The following CREB5 variants were observed in gnomAD, a reference collection of about 807,000 sequenced individuals.
CREB5 encodes cAMP responsive element binding protein 5, also known as cyclic AMP-responsive element-binding protein 5.
In CREB5, 19 loss-of-function variants were observed where a neutral mutation model predicts 57.1. That is an observed-to-expected ratio of 0.33 (90% CI 0.23 to 0.49). CREB5 has a LOEUF of 0.49. CREB5 is among the 20% of genes least tolerant of loss of function. CREB5 has a pLI of 0.99. For missense variants in CREB5, 579 were observed against 671.6 expected (o/e 0.86, Z 1.52); for synonymous variants, 238 against 238.3 (o/e 1.00, Z 0.01).
chr7:28,786,746 T>C (rs1218311049), intron 7 of CREB5, among the ~76,000 whole-genome samples: 2 of 152,072 alleles, frequency 1.3e-5, no homozygotes, highest in South Asian at 2.1e-4. Flanking sequence ...TGTTTGAAAA[T>C]TGAAGTATTA....
At chr7:28,695,218 CAGGA>C in intron 5 of CREB5, among the ~76,000 whole-genome samples, 1 of 152,036 alleles carries the variant, frequency 6.6e-6, no homozygotes, top group East Asian at 1.9e-4. Flanking sequence ...CAGAGCTAGA[CAGGA>C]GGGAGGGAGG....
intron 4 of CREB5, among the ~76,000 whole-genome samples, chr7:28,531,282 A>G (rs61269471): frequency 0.022 from 3,347 of 152,228 alleles, 96 homozygotes; most frequent in African/African-American, 0.075. Flanking sequence ...GGATGCTTGA[A>G]GTCCGAGATC....
At chr7:28,675,016 G>A (rs1800247821) in intron 5 of CREB5, among the ~76,000 whole-genome samples, 1 of 151,986 alleles carries the variant, frequency 6.6e-6, no homozygotes, top group African/African-American at 2.4e-5. Flanking sequence ...CTGCCTTAGG[G>A]CATTTATCTA....
At chr7:28,740,217 C>T (rs1388788788) in intron 7 of CREB5, among the ~76,000 whole-genome samples, 6 of 152,048 alleles carry the variant, frequency 3.9e-5, no homozygotes, top group Non-Finnish European at 7.4e-5. Flanking sequence ...TTAGGCAGAT[C>T]GAATGAAATT....
intron 5 of CREB5, among the ~76,000 whole-genome samples, chr7:28,704,103 C>T (rs1801992158): frequency 6.6e-6 from 1 of 152,226 alleles, no homozygotes; most frequent in Admixed American, 6.5e-5. Context: ...GGCTCCAACA[C>T]TGAAAAGACA....
At chr7:28,457,521 T>G (rs1028290557) in intron 1 of CREB5, among the ~76,000 whole-genome samples, 4 of 152,188 alleles carry the variant, frequency 2.6e-5, no homozygotes, top group African/African-American at 9.6e-5. Flanking sequence ...AAAAAAATTT[T>G]TTTTGAGAAG....
chr7:28,687,909 G>C (rs999320345), intron 5 of CREB5, among the ~76,000 whole-genome samples: 5 of 152,100 alleles, frequency 3.3e-5, no homozygotes, highest in African/African-American at 1.2e-4. Flanking sequence ...CTAAAGAGCA[G>C]GAAAGGGCAA....
Position 28,412,827 on chromosome 7 carries a change from GA to G in CREB5, c.-85del. ...TTATTTTCTTCCTAATCTTGCTGGT[GA>G]AACAGAAGTTACTAGAAAGAAAGGA... On this transcript the variant is annotated 5_prime_UTR_variant, in exon 1 of 11. Coordinates refer to ENST00000357727, the MANE Select transcript of CREB5 (RefSeq NM_182898.4). The G allele has an allele frequency of 8.1e-7, 1 of 1,240,434 alleles. No homozygotes were observed. Among genetic ancestry groups the G allele is most frequent in the Non-Finnish European group, 1.1e-6 (1 of 915,048 alleles). 76.8% of individuals were successfully genotyped at this position (1,240,434 alleles called of 1,614,324 possible).
chr7:28,611,569 G>A (rs2128677487), intron 5 of CREB5, among the ~76,000 whole-genome samples: 1 of 150,156 alleles, frequency 6.7e-6, no homozygotes, highest in Non-Finnish European at 1.5e-5. Context: ...CAGCTGCTCA[G>A]GAAGCTGAGG....
chr7:28,353,679 T>C (rs1786281733), intron 1 of CREB5, among the ~76,000 whole-genome samples: 2 of 151,688 alleles, frequency 1.3e-5, no homozygotes. Context: ...CCGTCTCTAC[T>C]AAAAATACAA....
chr7:28,731,169 T>C (rs955271979), intron 7 of CREB5, among the ~76,000 whole-genome samples: 1 of 152,226 alleles, frequency 6.6e-6, no homozygotes, highest in Non-Finnish European at 1.5e-5. Flanking sequence ...CCCCATCTCC[T>C]TTCTGCTGGC....
intron 1 of CREB5, among the ~76,000 whole-genome samples, chr7:28,308,995 A>C (rs910120854): frequency 1.3e-5 from 2 of 152,148 alleles, no homozygotes; most frequent in African/African-American, 4.8e-5. Flanking sequence ...GAGTAGAACA[A>C]AAAGACCAAC....
At chr7:28,712,422 C>T (rs1583594921) in intron 5 of CREB5, among the ~76,000 whole-genome samples, 1 of 150,516 alleles carries the variant, frequency 6.6e-6, no homozygotes, top group East Asian at 2.0e-4. Context: ...GCAGGAGAAT[C>T]ACCTAAACCC....
At chr7:28,500,370 G>C (rs1039024623) in intron 3 of CREB5, among the ~76,000 whole-genome samples, 2 of 152,200 alleles carry the variant, frequency 1.3e-5, no homozygotes, top group African/African-American at 4.8e-5. Flanking sequence ...ACAAGCCCAC[G>C]TGTGGCACAG....
chr7:28,668,462 A>G (rs1331704629), intron 5 of CREB5, among the ~76,000 whole-genome samples: 2 of 152,186 alleles, frequency 1.3e-5, no homozygotes, highest in African/African-American at 2.4e-5. Flanking sequence ...TATTTTAATT[A>G]TGCAACTGTG....
At chr7:28,423,642 CTGAATTGGGGGATGG>C (rs142835697) in intron 1 of CREB5, among the ~76,000 whole-genome samples, 1 of 150,680 alleles carries the variant, frequency 6.6e-6, no homozygotes, top group Admixed American at 6.6e-5. Context: ...CTTTGTGGTG[CTGAATTGGGGGATGG>C]TGAATTGGGG....
At chr7:28,403,704 T>C (rs1787521821) in intron 1 of CREB5, among the ~76,000 whole-genome samples, 1 of 152,202 alleles carries the variant, frequency 6.6e-6, no homozygotes, top group Admixed American at 6.5e-5. Flanking sequence ...CTGTCAATCA[T>C]ATGTCTGTGG....
rs1554302667 is a variant in CREB5 at position 28,810,697 on chromosome 7, A to AAATT, written c.1254+1285_1254+1286insTTAA. 2.0e-5 allele frequency among the ~76,000 whole-genome samples: 3 copies of AAATT among 151,240 alleles called. No homozygotes were observed. The South Asian group carries it at 6.3e-4, about 32-fold the overall frequency. ...GGCAACAGGGTGAGACTGTCTCAAAAAAATAAATAAAAAGAGTTAATGACT... is the reference window on the plus strand; with the variant it reads ...GGCAACAGGGTGAGACTGTCTCAAAAAATTAAATAAATAAAAAGAGTTAATGACT... On this transcript the variant is annotated intron_variant, in intron 9 of 10. Transcript: ENST00000357727.
intron 3 of CREB5, among the ~76,000 whole-genome samples, chr7:28,505,062 A>G (rs1013612748): frequency 6.6e-6 from 1 of 152,212 alleles, no homozygotes; most frequent in African/African-American, 2.4e-5. Context: ...CAGTCACATT[A>G]TCAGGCCTGG....
Sources: gnomAD v4.1 joint callset for allele counts (sites outside exome capture counted in the v4.1 genomes callset) on GRCh38, gnomAD v4.1.1 for gene constraint, MANE v1.5 for transcripts, NCBI Gene and HGNC (gene_info 2026-07-23, HGNC 2026-07-21) for gene names.